Variants in FAM13A observed in about 807,000 individuals in gnomAD.
FAM13A encodes protein FAM13A.
A neutral mutation model predicts 129.6 loss-of-function variants in FAM13A; 76 were observed. That is an observed-to-expected ratio of 0.59 (90% confidence interval 0.49 to 0.71). FAM13A has a LOEUF of 0.71. Among genes scored for constraint, FAM13A ranks in the 30% least tolerant of loss-of-function variants. FAM13A has a pLI of 0.00. For synonymous variants in FAM13A, 443 were observed against 449.9 expected (o/e 0.98, Z 0.20); for missense variants, 1,108 against 1,249.3 (o/e 0.89, Z 1.70).
At chr4:88,803,579 G>T (rs940270815) in intron 8 of FAM13A, among the ~76,000 whole-genome samples, 2 of 152,090 alleles carry the variant, frequency 1.3e-5, no homozygotes, top group Non-Finnish European at 2.9e-5. Flanking sequence ...TTTATATAAT[G>T]AATATCAGAC....
chr4:89,043,308 T>C (rs1429089934), intron 1 of FAM13A, among the ~76,000 whole-genome samples: 1 of 152,010 alleles, frequency 6.6e-6, no homozygotes, highest in African/African-American at 2.4e-5. Context: ...TGTATCACCT[T>C]GGGAGGCAAG....
chr4:88,757,477 A>G (rs1363084286), intron 14 of FAM13A, among the ~76,000 whole-genome samples: 1 of 152,152 alleles, frequency 6.6e-6, no homozygotes, highest in African/African-American at 2.4e-5. Context: ...TTAATATATG[A>G]ATTAAAAACT....
chr4:88,968,904 C>G (rs1316907283), intron 4 of FAM13A, among the ~76,000 whole-genome samples: 1 of 152,048 alleles, frequency 6.6e-6, no homozygotes, highest in African/African-American at 2.4e-5. Flanking sequence ...AGGAATACAA[C>G]CAGCTTCTTC....
chr4:88,848,328 C>T (rs1474628575), intron 7 of FAM13A, among the ~76,000 whole-genome samples: 2 of 152,204 alleles, frequency 1.3e-5, no homozygotes, highest in Non-Finnish European at 2.9e-5. Context: ...CTCTGGATTC[C>T]CTCCTGTAGG....
At chr4:88,924,617 G>A (rs1207273239) in intron 5 of FAM13A, among the ~76,000 whole-genome samples, 1 of 152,066 alleles carries the variant, frequency 6.6e-6, no homozygotes, top group Non-Finnish European at 1.5e-5. Flanking sequence ...GAAAACCTAG[G>A]CATTACCATT....
At chr4:88,884,732 T>C (rs1261853479) in intron 6 of FAM13A, among the ~76,000 whole-genome samples, 1 of 152,116 alleles carries the variant, frequency 6.6e-6, no homozygotes, top group East Asian at 1.9e-4. Context: ...ATGATCTGAT[T>C]GTATATCTAA....
chr4:89,030,006 T>C (rs1768480170), intron 1 of FAM13A: 1 of 178,276 alleles, frequency 5.6e-6, no homozygotes, highest in Non-Finnish European at 1.2e-5. Flanking sequence ...GCCAGGCAGA[T>C]CCTGAAACAA....
chr4:88,746,986 C>T lies in FAM13A; in HGVS notation c.2412G>A (p.Glu804=). Reference sequence around the variant, plus strand: ...ACAGAGCTTTCTGCAGAGCCACTTTCTCATTAGCAATCTGGTCTTTGGTCA... The same window carrying T: ...ACAGAGCTTTCTGCAGAGCCACTTTTTCATTAGCAATCTGGTCTTTGGTCA... The part of the protein sequence containing the change: ...KDMTKDQIAN[E]KVALQKALLY... The change falls in exon 19 of 24, where the codon GAG becomes GAA. Residue 804 remains glutamate, a synonymous_variant. Coordinates refer to ENST00000264344, the MANE Select transcript of FAM13A (RefSeq NM_014883.4). 6.2e-7 allele frequency: 1 copy of T among 1,613,414 alleles called. No homozygotes were observed.
chr4:88,962,182 A>C (rs1300801161), intron 4 of FAM13A, among the ~76,000 whole-genome samples: 1 of 152,180 alleles, frequency 6.6e-6, no homozygotes, highest in East Asian at 1.9e-4. Flanking sequence ...AAATCTCAGC[A>C]AAAATGTCAC....
At chr4:88,925,273 C>T (rs944706352) in intron 5 of FAM13A, among the ~76,000 whole-genome samples, 34 of 152,078 alleles carry the variant, frequency 2.2e-4, no homozygotes, top group African/African-American at 7.7e-4. Flanking sequence ...TATTGCGGCT[C>T]TATTCACAAT....
chr4:88,985,611 C>T (rs1475294751), intron 4 of FAM13A, among the ~76,000 whole-genome samples: 2 of 152,138 alleles, frequency 1.3e-5, no homozygotes, highest in African/African-American at 4.8e-5. Context: ...ACATGTAACA[C>T]TGACTCATCC....
chr4:88,888,444 T>C (rs1744796774), intron 6 of FAM13A, among the ~76,000 whole-genome samples: 1 of 152,204 alleles, frequency 6.6e-6, no homozygotes, highest in South Asian at 2.1e-4. Context: ...TTGGGTATTA[T>C]AGCTGGCACA....
chr4:88,976,973 T>C (rs906689710), intron 4 of FAM13A, among the ~76,000 whole-genome samples: 1 of 152,172 alleles, frequency 6.6e-6, no homozygotes, highest in African/African-American at 2.4e-5. Flanking sequence ...TAGTAGACTA[T>C]ACCATCTACA....
intron 6 of FAM13A, among the ~76,000 whole-genome samples, chr4:88,893,276 T>C (rs1745667830): frequency 6.6e-6 from 1 of 152,222 alleles, no homozygotes; most frequent in Non-Finnish European, 1.5e-5. Context: ...CAGGGGGCTC[T>C]GCTCCACAAA....
At position 88,835,974 on chromosome 4, in the gene FAM13A, G is replaced by T. The variant is rs538977476; in HGVS notation, c.1007+15046C>A. ...TGACAATTAACACTTCCTCCTTGAAGCATCTGTCATCCATCCTTGACTTAA... is the reference window on the plus strand; with the variant it reads ...TGACAATTAACACTTCCTCCTTGAATCATCTGTCATCCATCCTTGACTTAA... On this transcript the variant is annotated intron_variant, in intron 7 of 23. Transcript: ENST00000264344. Among the ~76,000 whole-genome samples, 8 of 152,050 alleles carry T rather than the reference G, an allele frequency of 5.3e-5. No individual in the cohort carries two copies. The South Asian group carries it at 1.5e-3, about 28-fold the overall frequency.
At chr4:89,042,173 A>T (rs1402394556) in intron 1 of FAM13A, among the ~76,000 whole-genome samples, 1 of 151,318 alleles carries the variant, frequency 6.6e-6, no homozygotes, top group Admixed American at 6.6e-5. Context: ...TCTTTTCCCC[A>T]TGTCCCTGTT....
At chr4:88,808,945 A>G (rs1403750320) in intron 7 of FAM13A, among the ~76,000 whole-genome samples, 1 of 152,172 alleles carries the variant, frequency 6.6e-6, no homozygotes, top group Non-Finnish European at 1.5e-5. Flanking sequence ...AAGAAGCTAC[A>G]ACTAAGAATG....
intron 1 of FAM13A, among the ~76,000 whole-genome samples, chr4:89,036,324 T>A (rs1021110125): frequency 3.3e-5 from 5 of 152,126 alleles, no homozygotes; most frequent in African/African-American, 1.2e-4. Flanking sequence ...TCTCTAGGGA[T>A]GTGTGAAACT....
chr4:88,858,466 T>C (rs1332360698), intron 6 of FAM13A, among the ~76,000 whole-genome samples: 3 of 152,180 alleles, frequency 2.0e-5, no homozygotes, highest in African/African-American at 4.8e-5. Flanking sequence ...AGCTGCAATA[T>C]TCATGGTAGG....
Sources: allele counts gnomAD v4.1 joint callset (sites outside exome capture counted in the v4.1 genomes callset), GRCh38; gene constraint gnomAD v4.1.1; transcripts MANE v1.5; gene names NCBI Gene and HGNC (gene_info 2026-07-23, HGNC 2026-07-21).